SPAG16: variants seen among roughly 807,000 people sequenced by gnomAD.
SPAG16 encodes sperm-associated antigen 16 protein.
A neutral mutation model predicts 80.4 loss-of-function variants in SPAG16; 86 were observed. The ratio of observed to expected loss-of-function variants is 1.07; its 90% CI spans 0.90 to 1.28. The LOEUF is 1.28. Ranked by LOEUF, SPAG16 falls within the 50% of genes most tolerant of loss-of-function variation. SPAG16 has a pLI of 0.00. For missense variants in SPAG16, 870 were observed against 765.3 expected (o/e 1.14, Z -1.61); for synonymous variants, 294 against 265.9 (o/e 1.11, Z -1.03).
chr2:213,564,810 T>C (rs1225150062), intron 10 of SPAG16, among the ~76,000 whole-genome samples: 2 of 152,158 alleles, frequency 1.3e-5, no homozygotes, highest in African/African-American at 4.8e-5. Context: ...TGACTACATG[T>C]TGTAGATTAG....
intron 15 of SPAG16, among the ~76,000 whole-genome samples, chr2:214,166,144 T>G (rs2056644468): frequency 6.6e-6 from 1 of 152,186 alleles, no homozygotes; most frequent in Non-Finnish European, 1.5e-5. Context: ...TAGTACATAG[T>G]GAAAACAAAG....
chr2:213,884,602 ATTCTCTCTCC>A (rs2076482919), intron 11 of SPAG16, among the ~76,000 whole-genome samples: 1 of 152,108 alleles, frequency 6.6e-6, no homozygotes, highest in Non-Finnish European at 1.5e-5. Context: ...CAAGTTGTTT[ATTCTCTCTCC>A]TTCTCTCTCA....
At chr2:213,729,951 A>C in intron 10 of SPAG16, among the ~76,000 whole-genome samples, 1 of 152,212 alleles carries the variant, frequency 6.6e-6, no homozygotes, top group Non-Finnish European at 1.5e-5. Context: ...CCTTTTGTAA[A>C]TTAAACAAAA....
At chr2:213,756,326 T>A (rs1193316969) in intron 10 of SPAG16, among the ~76,000 whole-genome samples, 1 of 151,860 alleles carries the variant, frequency 6.6e-6, no homozygotes, top group South Asian at 2.1e-4. Context: ...AAAAAATAAA[T>A]AAATAAATAA....
intron 15 of SPAG16, among the ~76,000 whole-genome samples, chr2:214,263,491 G>A (rs1322609945): frequency 6.6e-6 from 1 of 152,092 alleles, no homozygotes; most frequent in East Asian, 1.9e-4. Context: ...TTGCATATAT[G>A]AGCGATCCTA....
At chr2:213,615,637 T>G (rs923533825) in intron 10 of SPAG16, among the ~76,000 whole-genome samples, 1 of 152,130 alleles carries the variant, frequency 6.6e-6, no homozygotes, top group Non-Finnish European at 1.5e-5. Context: ...AAAACTTTAT[T>G]TTGCAAGTGT....
chr2:213,836,195 A>T (rs933772539), intron 10 of SPAG16, among the ~76,000 whole-genome samples: 1 of 124,636 alleles, frequency 8.0e-6, no homozygotes, highest in African/African-American at 3.0e-5. Context: ...CCCATTTCCT[A>T]TGTCTGAGAG....
intron 9 of SPAG16, among the ~76,000 whole-genome samples, chr2:213,390,129 T>C (rs2125288753): frequency 6.6e-6 from 1 of 152,272 alleles, no homozygotes; most frequent in South Asian, 2.1e-4. Flanking sequence ...AATAAACCAA[T>C]AACAGAAAGA....
At chr2:213,724,185 C>T (rs539207341) in intron 10 of SPAG16, among the ~76,000 whole-genome samples, 2 of 152,090 alleles carry the variant, frequency 1.3e-5, no homozygotes, top group Non-Finnish European at 2.9e-5. Context: ...AAAAATAGCT[C>T]ACTGGGACGT....
At chr2:213,402,606 G>C (rs1266104117) in intron 9 of SPAG16, among the ~76,000 whole-genome samples, 1 of 148,942 alleles carries the variant, frequency 6.7e-6, no homozygotes, top group Non-Finnish European at 1.5e-5. Context: ...TCCCTGGAGT[G>C]TGATGTTCTC....
At chr2:213,835,309 CAG>C (rs2074014370) in intron 10 of SPAG16, among the ~76,000 whole-genome samples, 1 of 152,232 alleles carries the variant, frequency 6.6e-6, no homozygotes, top group East Asian at 1.9e-4. Flanking sequence ...TTTTGAAAAA[CAG>C]AGTTCCATGT....
intron 11 of SPAG16, among the ~76,000 whole-genome samples, chr2:213,871,300 AG>A (rs2075935076): frequency 6.6e-6 from 1 of 152,092 alleles, no homozygotes; most frequent in Non-Finnish European, 1.5e-5. Context: ...ATGGGGGGAG[AG>A]GAGGGAATGT....
intron 13 of SPAG16, among the ~76,000 whole-genome samples, chr2:214,073,704 T>A (rs2050925145): frequency 1.3e-5 from 2 of 152,282 alleles, no homozygotes; most frequent in South Asian, 4.1e-4. Flanking sequence ...GATTCTAAAA[T>A]TCTTATGGCA....
chr2:213,322,334 C>CAAAAAA (rs755345457), intron 5 of SPAG16, among the ~76,000 whole-genome samples: 3 of 23,690 alleles, frequency 1.3e-4, no homozygotes, highest in African/African-American at 2.9e-4. Flanking sequence ...GTAGACAATG[C>CAAAAAA]AAAAAAAAAA....
chr2:214,089,203 ATC>A (rs1576140184), intron 13 of SPAG16, among the ~76,000 whole-genome samples: 1 of 151,964 alleles, frequency 6.6e-6, no homozygotes, highest in Non-Finnish European at 1.5e-5. Context: ...TAATCAATAA[ATC>A]TCTCTCAGTA....
chr2:214,407,034 A>G (rs1024986829), intron 15 of SPAG16, among the ~76,000 whole-genome samples: 1 of 152,104 alleles, frequency 6.6e-6, no homozygotes, highest in Non-Finnish European at 1.5e-5. Context: ...TGTGAAAAGT[A>G]TGACATCCTT....
At chr2:213,580,027 A>C (rs1397773334) in intron 10 of SPAG16, among the ~76,000 whole-genome samples, 2 of 152,144 alleles carry the variant, frequency 1.3e-5, no homozygotes, top group Non-Finnish European at 2.9e-5. Context: ...CAGTAGAAGT[A>C]GGAAGGTCAC....
intron 10 of SPAG16, among the ~76,000 whole-genome samples, chr2:213,506,297 A>G (rs990201425): frequency 1.3e-5 from 2 of 152,034 alleles, no homozygotes; most frequent in Admixed American, 1.3e-4. Flanking sequence ...TAGTGAATTT[A>G]TTTTCTTCTA....
chr2:213,985,455 C>G (rs1274015890), intron 12 of SPAG16, among the ~76,000 whole-genome samples: 2 of 152,048 alleles, frequency 1.3e-5, no homozygotes, highest in Admixed American at 1.3e-4. Context: ...CATTCAAATA[C>G]TGACAAATCT....
Sources: gnomAD v4.1 joint callset for allele counts (sites outside exome capture counted in the v4.1 genomes callset) on GRCh38, gnomAD v4.1.1 for gene constraint, MANE v1.5 for transcripts, NCBI Gene and HGNC (gene_info 2026-07-23, HGNC 2026-07-21) for gene names.